The following KIAA1958 variants were observed in gnomAD, a reference collection of about 807,000 sequenced individuals.
The protein encoded by KIAA1958 is KIAA1958.
Under a neutral mutation model 47.2 loss-of-function variants are expected in KIAA1958, and 14 were observed. The observed-to-expected ratio is 0.30, with a 90% CI of 0.20 to 0.46. KIAA1958 has a LOEUF of 0.46. KIAA1958 is among the 20% of genes least tolerant of loss of function. The probability of loss-of-function intolerance (pLI) is 1.00; values close to 1 mark genes in which losing one functional copy is unlikely to be tolerated. For missense variants in KIAA1958, 803 were observed against 909.2 expected (o/e 0.88, Z 1.50); for synonymous variants, 354 against 353.3 (o/e 1.00, Z -0.02).
At chr9:112,517,367 G>A (rs1834456300) in intron 1 of KIAA1958, among the ~76,000 whole-genome samples, 1 of 152,092 alleles carries the variant, frequency 6.6e-6, no homozygotes, top group African/African-American at 2.4e-5. Flanking sequence ...TTTTATTTTT[G>A]AAAAATTTTT....
At chr9:112,656,238 G>A (rs1030996937) in intron 3 of KIAA1958, among the ~76,000 whole-genome samples, 18 of 152,066 alleles carry the variant, frequency 1.2e-4, no homozygotes, top group Admixed American at 9.8e-4. Flanking sequence ...GCCGGGTGTG[G>A]TGGCACACAC....
At chr9:112,576,997 C>A (rs1217659928) in intron 2 of KIAA1958, among the ~76,000 whole-genome samples, 1 of 152,082 alleles carries the variant, frequency 6.6e-6, no homozygotes, top group East Asian at 1.9e-4. Context: ...CACATTGTCA[C>A]CAACACTTGT....
At chr9:112,638,203 T>A (rs140169681) in intron 2 of KIAA1958, among the ~76,000 whole-genome samples, 8 of 151,890 alleles carry the variant, frequency 5.3e-5, no homozygotes, top group African/African-American at 1.9e-4. Flanking sequence ...TGTGGGAAGT[T>A]GAAAAAGAAA....
chr9:112,659,395 G>A lies in KIAA1958; in HGVS notation c.1477G>A (p.Gly493Ser). Reference protein sequence around the residue: ...RGLDRILKNAGVGFSITSSTF... With the variant: ...RGLDRILKNASVGFSITSSTF... ...CCTGGACCGCATCCTGAAGAATGCA[G>A]GTGTCGGCTTTTCCATCACCAGCAG... Residue 493 changes from glycine (G) to serine (S), a missense_variant, in exon 4 of 4, where the codon GGT becomes AGT. By Grantham distance (56) the Gly-to-Ser change is moderately conservative. Transcript: ENST00000337530. 2 of 1,614,218 alleles carry A rather than the reference G, an allele frequency of 1.2e-6. No homozygotes were observed. Among genetic ancestry groups the A allele is most frequent in the Non-Finnish European group, 1.7e-6 (2 of 1,180,032 alleles).
chr9:112,617,625 T>C (rs1189831154), intron 2 of KIAA1958, among the ~76,000 whole-genome samples: 1 of 152,186 alleles, frequency 6.6e-6, no homozygotes, highest in Non-Finnish European at 1.5e-5. Context: ...CTAAACTATG[T>C]GCCCGTGACA....
chr9:112,620,343 C>T (rs1269145393), intron 2 of KIAA1958, among the ~76,000 whole-genome samples: 2 of 152,146 alleles, frequency 1.3e-5, no homozygotes, highest in African/African-American at 2.4e-5. Context: ...ATTTGTTCTT[C>T]AAGGCAACCT....
intron 1 of KIAA1958, among the ~76,000 whole-genome samples, chr9:112,530,401 T>A (rs963887293): frequency 1.3e-5 from 2 of 152,248 alleles, no homozygotes; most frequent in African/African-American, 4.8e-5. Flanking sequence ...TTTCTGGTAC[T>A]ATTAGGTGCT....
At position 112,486,921 on chromosome 9, in the gene KIAA1958, G is replaced by A. The variant is rs1395628113; in HGVS notation, c.-222G>A. The A allele has an allele frequency of 7.2e-6, 1 of 139,052 alleles. No individual in the cohort carries two copies. Among genetic ancestry groups the A allele is most frequent in the African/African-American group, 2.6e-5 (1 of 37,840 alleles). The allele number at this position is 139,052 out of a possible 1,614,324, so 8.6% of individuals were successfully genotyped here. The stretch of plus-strand genomic sequence containing the variant: ...TCGGCCGAGCCAGGCTGGCGCCCCC[G>A]CCCCCCGCCCCGCTCCTCGGTCCGC... On this transcript the variant is annotated 5_prime_UTR_variant, in exon 1 of 4. Coordinates refer to ENST00000337530, the MANE Select transcript of KIAA1958 (RefSeq NM_133465.4).
At chr9:112,554,512 A>ATAG (rs1435490325) in intron 1 of KIAA1958, among the ~76,000 whole-genome samples, 2 of 151,534 alleles carry the variant, frequency 1.3e-5, no homozygotes, top group East Asian at 3.9e-4. Flanking sequence ...AATAATAATA[A>ATAG]TAATAATTAG....
At chr9:112,553,626 T>C (rs1186692511) in intron 1 of KIAA1958, among the ~76,000 whole-genome samples, 3 of 152,232 alleles carry the variant, frequency 2.0e-5, no homozygotes, top group South Asian at 2.1e-4. Flanking sequence ...TGGAACAACA[T>C]AGTAAGTGCT....
intron 2 of KIAA1958, among the ~76,000 whole-genome samples, chr9:112,601,626 C>T (rs560688632): frequency 6.6e-6 from 1 of 152,176 alleles, no homozygotes; most frequent in Non-Finnish European, 1.5e-5. Flanking sequence ...GCAGCACGCA[C>T]AGTGCCTGAT....
chr9:112,561,472 A>C (rs1190752051), intron 1 of KIAA1958, among the ~76,000 whole-genome samples: 1 of 152,148 alleles, frequency 6.6e-6, no homozygotes, highest in East Asian at 1.9e-4. Context: ...GACTGTTATT[A>C]ATGGCAGTAT....
intron 3 of KIAA1958, 63 bp downstream of exon 3, chr9:112,645,885 T>C (rs1335263199): frequency 3.4e-6 from 5 of 1,462,638 alleles, no homozygotes; most frequent in Non-Finnish European, 4.7e-6. Flanking sequence ...TGCCAGGCAC[T>C]GTGCTAAGCA....
At chr9:112,534,761 C>G (rs1834821887) in intron 1 of KIAA1958, among the ~76,000 whole-genome samples, 1 of 152,050 alleles carries the variant, frequency 6.6e-6, no homozygotes, top group Non-Finnish European at 1.5e-5. Context: ...CCGAGCTGGT[C>G]TCAAACTCCT....
intron 1 of KIAA1958, among the ~76,000 whole-genome samples, chr9:112,535,511 G>A (rs1834839385): frequency 6.6e-6 from 1 of 151,804 alleles, no homozygotes; most frequent in Non-Finnish European, 1.5e-5. Context: ...CTGCTTCCAT[G>A]TCTTGGCTGT....
intron 2 of KIAA1958, among the ~76,000 whole-genome samples, chr9:112,620,518 C>T (rs575519360): frequency 6.6e-6 from 1 of 152,294 alleles, no homozygotes; most frequent in East Asian, 1.9e-4. Flanking sequence ...CATAAAGACC[C>T]GTTCCTCTAA....
intron 2 of KIAA1958, among the ~76,000 whole-genome samples, chr9:112,596,440 A>G (rs1458056558): frequency 6.6e-6 from 1 of 152,142 alleles, no homozygotes; most frequent in Non-Finnish European, 1.5e-5. Flanking sequence ...CTAAATTATT[A>G]TTCTGTGTTA....
At chr9:112,487,938 TGTGTGTGC>T (rs1833894808) in intron 1 of KIAA1958, among the ~76,000 whole-genome samples, 1 of 80,500 alleles carries the variant, frequency 1.2e-5, no homozygotes, top group Admixed American at 1.5e-4. Context: ...ATGTATTTAG[TGTGTGTGC>T]GTGTGTGTGT....
At chr9:112,495,797 C>A (rs1213624922) in intron 1 of KIAA1958, among the ~76,000 whole-genome samples, 1 of 152,190 alleles carries the variant, frequency 6.6e-6, no homozygotes, top group Non-Finnish European at 1.5e-5. Flanking sequence ...CGCAGTGAGT[C>A]TGACTTTGGC....
Sources: gnomAD v4.1 joint callset for allele counts (sites outside exome capture counted in the v4.1 genomes callset) on GRCh38, gnomAD v4.1.1 for gene constraint, MANE v1.5 for transcripts, NCBI Gene and HGNC (gene_info 2026-07-23, HGNC 2026-07-21) for gene names.